MALRD1: variants seen among roughly 807,000 people sequenced by gnomAD.
The protein encoded by MALRD1 is MAM and LDL receptor class A domain containing 1.
MALRD1 carries 247 observed loss-of-function variants against 242.1 expected under a neutral mutation model. The ratio of observed to expected loss-of-function variants is 1.02; its 90% CI spans 0.92 to 1.13. The LOEUF is 1.13. MALRD1 is among the 50% of genes most tolerant of loss of function. The probability of loss-of-function intolerance (pLI) is 0.00; values close to 1 mark genes in which losing one functional copy is unlikely to be tolerated. For synonymous variants in MALRD1, 995 were observed against 866.6 expected, an observed-to-expected ratio of 1.15 and a Z score of -2.60; for missense variants, 2,989 against 2,533.1, an observed-to-expected ratio of 1.18 and a Z score of -3.86.
intron 18 of MALRD1, among the ~76,000 whole-genome samples, chr10:19,210,717 A>G (rs571294202): frequency 6.6e-6 from 1 of 152,288 alleles, no homozygotes; most frequent in African/African-American, 2.4e-5. Flanking sequence ...TAAGTCATAG[A>G]TGTAGATTGT....
rs546834107 is a variant in MALRD1, at chr10:19,238,655, C to T, written c.2992-19029C>T. 2.5e-5 allele frequency among the ~76,000 whole-genome samples: 3 copies of T among 118,300 alleles called. No individual in the cohort carries two copies. In the Admixed American group the frequency reaches 2.9e-4, roughly 12 times the overall value. 77.6% of individuals were successfully genotyped at this position (118,300 alleles called of 152,430 possible). ...CCATATCTGATTATTAGAAATAGTGCTACAGTAAACATAAGAGTGCAGATA... is the reference window on the plus strand; with the variant it reads ...CCATATCTGATTATTAGAAATAGTGTTACAGTAAACATAAGAGTGCAGATA... On this transcript the variant is annotated intron_variant, in intron 18 of 39. Transcript: ENST00000454679.
intron 36 of MALRD1, among the ~76,000 whole-genome samples, chr10:19,649,206 A>T (rs1840766930): frequency 6.6e-6 from 1 of 152,124 alleles, no homozygotes; most frequent in Non-Finnish European, 1.5e-5. Flanking sequence ...ATTCATGTTT[A>T]TGTGTCTTTA....
chr10:19,062,489 G>A (rs1245541371), intron 1 of MALRD1, among the ~76,000 whole-genome samples: 2 of 152,206 alleles, frequency 1.3e-5, no homozygotes, highest in East Asian at 3.8e-4. Context: ...CATGTTCACA[G>A]CAGTGTTGTT....
chr10:19,223,879 C>T (rs573643479), intron 18 of MALRD1, among the ~76,000 whole-genome samples: 7 of 152,256 alleles, frequency 4.6e-5, no homozygotes, highest in African/African-American at 1.7e-4. Flanking sequence ...GACATGAATC[C>T]ATCCTTTTTT....
intron 14 of MALRD1, among the ~76,000 whole-genome samples, chr10:19,197,962 A>G (rs984854810): frequency 6.6e-6 from 1 of 152,202 alleles, no homozygotes; most frequent in Non-Finnish European, 1.5e-5. Context: ...TGAATGAATG[A>G]GCACATAGTG....
intron 36 of MALRD1, among the ~76,000 whole-genome samples, chr10:19,646,088 T>A (rs1455063069): frequency 6.6e-6 from 1 of 152,166 alleles, no homozygotes; most frequent in African/African-American, 2.4e-5. Flanking sequence ...TTTTCAAAAA[T>A]TTTTCTTTTC....
intron 38 of MALRD1, among the ~76,000 whole-genome samples, chr10:19,721,100 T>C (rs933290900): frequency 3.9e-5 from 6 of 152,110 alleles, no homozygotes; most frequent in African/African-American, 1.4e-4. Context: ...AGTACACTGG[T>C]TAAGAAACAA....
chr10:19,710,150 A>T (rs937576029), intron 38 of MALRD1, among the ~76,000 whole-genome samples: 2 of 152,288 alleles, frequency 1.3e-5, no homozygotes, highest in African/African-American at 4.8e-5. Flanking sequence ...GTGCTCAGTC[A>T]TTCCAATATT....
At chr10:19,408,844 T>C (rs969414149) in intron 28 of MALRD1, among the ~76,000 whole-genome samples, 5 of 152,166 alleles carry the variant, frequency 3.3e-5, no homozygotes, top group Non-Finnish European at 7.3e-5. Flanking sequence ...TATAAAATGG[T>C]ATAGAAACTC....
chr10:19,575,476 C>T (rs1836765301), intron 33 of MALRD1, among the ~76,000 whole-genome samples: 1 of 126,142 alleles, frequency 7.9e-6, no homozygotes, highest in African/African-American at 3.0e-5. Context: ...AAAGTAAAGG[C>T]CATGGTTCAC....
intron 23 of MALRD1, among the ~76,000 whole-genome samples, chr10:19,329,436 A>G (rs1205520107): frequency 6.6e-6 from 1 of 151,536 alleles, no homozygotes; most frequent in Non-Finnish European, 1.5e-5. Context: ...TAAACAAAAT[A>G]TTTAATTACA....
intron 29 of MALRD1, among the ~76,000 whole-genome samples, chr10:19,455,853 G>A (rs924450501): frequency 2.6e-5 from 4 of 152,118 alleles, no homozygotes; most frequent in Admixed American, 2.0e-4. Flanking sequence ...ATTCCAGAGT[G>A]TTCAGTTTTG....
At chr10:19,494,877 T>G (rs1837643709) in intron 30 of MALRD1, among the ~76,000 whole-genome samples, 1 of 152,114 alleles carries the variant, frequency 6.6e-6, no homozygotes, top group African/African-American at 2.4e-5. Context: ...ATAAAAACTT[T>G]GCCAACCTCA....
intron 25 of MALRD1, among the ~76,000 whole-genome samples, chr10:19,348,694 GTTTA>G (rs2130986052): frequency 6.6e-6 from 1 of 152,136 alleles, no homozygotes; most frequent in African/African-American, 2.4e-5. Flanking sequence ...ACCTTCCTTT[GTTTA>G]TTGTTTGCTT....
At chr10:19,112,554 T>C (rs551602286) in intron 5 of MALRD1, among the ~76,000 whole-genome samples, 92 of 152,270 alleles carry the variant, frequency 6.0e-4, no homozygotes, top group African/African-American at 1.9e-3. Flanking sequence ...TGTATCTGCC[T>C]TACTACCTTA....
intron 36 of MALRD1, among the ~76,000 whole-genome samples, chr10:19,683,757 C>A (rs1366047091): frequency 6.6e-6 from 1 of 151,998 alleles, no homozygotes; most frequent in African/African-American, 2.4e-5. Flanking sequence ...TTTATACATT[C>A]TTTTATTTAT....
chr10:19,135,390 A>G (rs1486459626), intron 9 of MALRD1, among the ~76,000 whole-genome samples: 1 of 152,108 alleles, frequency 6.6e-6, no homozygotes, highest in Non-Finnish European at 1.5e-5. Flanking sequence ...CCTGACCTCA[A>G]GTGATCCACC....
At chr10:19,713,044 A>AGG (rs35599289) in intron 38 of MALRD1, among the ~76,000 whole-genome samples, 1 of 147,584 alleles carries the variant, frequency 6.8e-6, no homozygotes. Context: ...CCAGAAATGA[A>AGG]GGGGGGGGTT....
intron 18 of MALRD1, among the ~76,000 whole-genome samples, chr10:19,247,788 T>G (rs1588774337): frequency 6.6e-6 from 1 of 152,206 alleles, no homozygotes; most frequent in East Asian, 1.9e-4. Context: ...ACTATAACTT[T>G]TAAAGAACAA....
Sources: gnomAD v4.1 joint callset for allele counts (sites outside exome capture counted in the v4.1 genomes callset) on GRCh38, gnomAD v4.1.1 for gene constraint, MANE v1.5 for transcripts, NCBI Gene and HGNC (gene_info 2026-07-23, HGNC 2026-07-21) for gene names.